ARL3: variants seen among roughly 807,000 people sequenced by gnomAD.
ARL3 encodes the protein ADP-ribosylation factor-like protein 3.
In ARL3, 9 loss-of-function variants were observed where a neutral mutation model predicts 26.0. The observed-to-expected ratio is 0.35, with a 90% CI of 0.21 to 0.60. ARL3 has a LOEUF of 0.60. Among genes scored for constraint, ARL3 ranks in the 20% least tolerant of loss-of-function variants. The probability of loss-of-function intolerance (pLI) is 0.78; values close to 1 mark genes in which losing one functional copy is unlikely to be tolerated. For synonymous variants in ARL3, 71 were observed against 78.4 expected, an observed-to-expected ratio of 0.91 and a Z score of 0.50; for missense variants, 158 against 215.7, an observed-to-expected ratio of 0.73 and a Z score of 1.67.
chr10:102,704,657 A>C (rs1396480846), intron 2 of ARL3, among the ~76,000 whole-genome samples: 1 of 152,208 alleles, frequency 6.6e-6, no homozygotes, highest in African/African-American at 2.4e-5. Context: ...AAATAATTTA[A>C]AGAAATAAAA....
intron 1 of ARL3, among the ~76,000 whole-genome samples, chr10:102,713,572 G>A (rs535308181): frequency 1.3e-4 from 20 of 152,304 alleles, no homozygotes; most frequent in African/African-American, 3.1e-4. Flanking sequence ...CATGGATTAT[G>A]TATTGAATGA....
intron 3 of ARL3, among the ~76,000 whole-genome samples, chr10:102,698,768 C>T (rs1236737803): frequency 6.6e-6 from 1 of 152,188 alleles, no homozygotes; most frequent in African/African-American, 2.4e-5. Context: ...TCCCAATGCA[C>T]GAGGCAGCTT....
chr10:102,691,279 C>A (rs1292661785), intron 3 of ARL3, among the ~76,000 whole-genome samples: 1 of 122,186 alleles, frequency 8.2e-6, no homozygotes, highest in Non-Finnish European at 1.7e-5. Flanking sequence ...CCCCTCCCCC[C>A]ACCCCACCAC....
rs2064316149 is a variant in ARL3 at position 102,707,516 on chromosome 10, C to T, written c.4-2027G>A. Among the ~76,000 whole-genome samples the T allele has an allele frequency of 2.0e-5, 3 of 152,148 alleles. No homozygotes were observed. The South Asian group carries it at 6.2e-4, about 32-fold the overall frequency. On this transcript the variant is annotated intron_variant, in intron 1 of 5. Transcript: ENST00000260746. ...TAATCTCCCAGCCCAAGAAGAAATTCCTTCAAACTGAGTCTTAGAATTATG... is the reference window on the plus strand; with the variant it reads ...TAATCTCCCAGCCCAAGAAGAAATTTCTTCAAACTGAGTCTTAGAATTATG...
At chr10:102,687,935 G>A (rs2064196181) in intron 4 of ARL3, among the ~76,000 whole-genome samples, 1 of 151,860 alleles carries the variant, frequency 6.6e-6, no homozygotes, top group South Asian at 2.1e-4. Flanking sequence ...GCGTGTGTGT[G>A]TGTGTATGTG....
At chr10:102,700,421 A>AAAAAAAAAG (rs1564732489) in intron 2 of ARL3, among the ~76,000 whole-genome samples, 1 of 149,670 alleles carries the variant, frequency 6.7e-6, no homozygotes, top group Non-Finnish European at 1.5e-5. Context: ...AAAAAAAAAA[A>AAAAAAAAAG]GTGCTTTCAT....
chr10:102,712,494 CAA>C (rs1185350906), intron 1 of ARL3, among the ~76,000 whole-genome samples: 1 of 152,096 alleles, frequency 6.6e-6, no homozygotes, highest in Non-Finnish European at 1.5e-5. Context: ...AAAAGAAAAA[CAA>C]AATCTGTTTT....
At chr10:102,701,801 T>C (rs1048825530) in intron 2 of ARL3, among the ~76,000 whole-genome samples, 1 of 152,100 alleles carries the variant, frequency 6.6e-6, no homozygotes, top group African/African-American at 2.4e-5. Flanking sequence ...GAAATAATAA[T>C]GATGAATGGG....
intron 2 of ARL3, among the ~76,000 whole-genome samples, chr10:102,704,151 C>CAAA (rs56326932): frequency 0.026 from 1,142 of 44,336 alleles, 7 homozygotes; most frequent in East Asian, 0.036. Flanking sequence ...ACTCTGTCTC[C>CAAA]AAAAAAAAAA....
At chr10:102,683,681 C>T (rs547101686) in intron 5 of ARL3, among the ~76,000 whole-genome samples, 14 of 152,242 alleles carry the variant, frequency 9.2e-5, no homozygotes, top group Admixed American at 7.2e-4. Flanking sequence ...CTGTCCCCAA[C>T]CCCACCCTCT....
intron 5 of ARL3, 129 bp downstream of exon 5, chr10:102,685,687 C>T (rs2064180158): frequency 5.6e-6 from 6 of 1,063,658 alleles, no homozygotes; most frequent in Non-Finnish European, 7.9e-6. Flanking sequence ...CAGAAAAGAA[C>T]CAAATTCCTC....
intron 1 of ARL3, among the ~76,000 whole-genome samples, chr10:102,707,014 G>C (rs1264390018): frequency 6.6e-6 from 1 of 151,678 alleles, no homozygotes; most frequent in Non-Finnish European, 1.5e-5. Context: ...AAAGCATGTT[G>C]CTGGGCATGG....
chr10:102,698,451 G>A (rs2064261438), intron 3 of ARL3, among the ~76,000 whole-genome samples: 1 of 152,212 alleles, frequency 6.6e-6, no homozygotes, highest in African/African-American at 2.4e-5. Context: ...CATAATTGAT[G>A]TAAACGCAAA....
At chr10:102,695,020 A>G (rs2064239565) in intron 3 of ARL3, among the ~76,000 whole-genome samples, 1 of 152,172 alleles carries the variant, frequency 6.6e-6, no homozygotes, top group South Asian at 2.1e-4. Flanking sequence ...CGCCCGGCCT[A>G]TGCTGTCTTG....
rs2136000379 is a variant in ARL3, at chr10:102,689,929, G to A, written c.279C>T (p.Asp93=). The A allele has an allele frequency of 6.3e-7, 1 of 1,596,720 alleles. No individual in the cohort carries two copies. The highest frequency in any genetic ancestry group is 1.3e-5 in the African/African-American group (1 of 74,160). ...ENTDILIYVI[D]SADRKRFEET... is the part of the protein sequence containing the mutation. ...CTTCAAATCTTTTTCTGTCTGCACT[G>A]TCGATTACATATATCTATAAAGGAA... Residue 93 remains aspartate, a synonymous_variant, in exon 4 of 6, where the codon GAC becomes GAT. Transcript: ENST00000260746.
chr10:102,680,704 G>A (rs1435993126), intron 5 of ARL3, among the ~76,000 whole-genome samples: 1 of 152,140 alleles, frequency 6.6e-6, no homozygotes, highest in Non-Finnish European at 1.5e-5. Flanking sequence ...AGGAAGCGGT[G>A]GCAGCCATGG....
At chr10:102,701,186 A>T (rs921367051) in intron 2 of ARL3, among the ~76,000 whole-genome samples, 1 of 152,206 alleles carries the variant, frequency 6.6e-6, no homozygotes, top group Non-Finnish European at 1.5e-5. Flanking sequence ...TATTGCATGA[A>T]CAAGAATTTT....
rs1440789349 is a variant in ARL3 at position 102,714,367 on chromosome 10, C to G, written c.-92G>C. On this transcript the variant is annotated 5_prime_UTR_variant, in exon 1 of 6. Transcript: ENST00000260746. ...GCGGCGCCGCCCCCGACGTCCCTCG[C>G]ACGCACAGCTGAGGAGCTGAGCAGC... 1 of 1,224,036 alleles carries G rather than the reference C, an allele frequency of 8.2e-7. No individual in the cohort carries two copies. Among genetic ancestry groups the G allele is most frequent in the Non-Finnish European group, 1.0e-6 (1 of 959,590 alleles). The allele number at this position is 1,224,036 out of a possible 1,614,324, so 75.8% of individuals were successfully genotyped here. A position where few individuals can be genotyped will look rare whatever the true frequency, so the allele number is the denominator to read the frequency against.
chr10:102,703,062 T>A (rs1396451823), intron 2 of ARL3, among the ~76,000 whole-genome samples: 12 of 151,832 alleles, frequency 7.9e-5, no homozygotes. Context: ...TCTTAGGATT[T>A]CCTACAGGGA....
Sources: gnomAD v4.1 joint callset for allele counts (sites outside exome capture counted in the v4.1 genomes callset) on GRCh38, gnomAD v4.1.1 for gene constraint, MANE v1.5 for transcripts, NCBI Gene and HGNC (gene_info 2026-07-23, HGNC 2026-07-21) for gene names.